The following ACTR2 variants were observed in gnomAD, a reference collection of about 807,000 sequenced individuals.
ACTR2 encodes actin related protein 2.
In ACTR2, 5 loss-of-function variants were observed where a neutral mutation model predicts 50.2. That is an observed-to-expected ratio of 0.10 (90% CI 0.05 to 0.21). The LOEUF is 0.21. ACTR2 is among the 10% of genes least tolerant of loss of function. The pLI, the probability that ACTR2 is intolerant of heterozygous loss-of-function variation, is 1.00. For missense variants in ACTR2, 180 were observed against 480.6 expected (o/e 0.37, Z 5.85); for synonymous variants, 140 against 162.9 (o/e 0.86, Z 1.07).
At chr2:65,261,889 G>A (rs1672276593) in intron 7 of ACTR2, among the ~76,000 whole-genome samples, 1 of 152,094 alleles carries the variant, frequency 6.6e-6, no homozygotes, top group Admixed American at 6.5e-5. Context: ...CCACATCCTC[G>A]CCAGTATTCG....
chr2:65,235,148 G>A (rs898873736), intron 1 of ACTR2, among the ~76,000 whole-genome samples: 1 of 151,128 alleles, frequency 6.6e-6, no homozygotes, highest in Non-Finnish European at 1.5e-5. Context: ...TTTGTGATTT[G>A]GGAGAGAAGA....
chr2:65,264,087 G>C (rs1185472985), intron 7 of ACTR2, among the ~76,000 whole-genome samples: 1 of 152,042 alleles, frequency 6.6e-6, no homozygotes, highest in Non-Finnish European at 1.5e-5. Context: ...CATGCCTGTT[G>C]CTGATTAGAG....
intron 1 of ACTR2, 59 bp from the exon 2 acceptor site, chr2:65,239,793 C>T: frequency 1.9e-6 from 2 of 1,074,374 alleles, no homozygotes; most frequent in Non-Finnish European, 1.4e-6. Context: ...CAGATGCTGT[C>T]TTAAAATATA....
At chr2:65,242,756 T>TTTTTCTGTGATATTTTTCTGTG (rs1347913766) in intron 2 of ACTR2, 1 of 382,554 alleles carries the variant, frequency 2.6e-6, no homozygotes, top group Non-Finnish European at 5.2e-6. Flanking sequence ...AACTCTTCAT[T>TTTTTCTGTGATATTTTTCTGTG]GTATTTTTCT....
intron 7 of ACTR2, among the ~76,000 whole-genome samples, chr2:65,262,564 C>T (rs1213687980): frequency 6.6e-6 from 1 of 152,006 alleles, no homozygotes; most frequent in Non-Finnish European, 1.5e-5. Context: ...TAGATATTGC[C>T]AAATTTCCCT....
chr2:65,230,209 CTAAA>C (rs917109436), intron 1 of ACTR2, among the ~76,000 whole-genome samples: 2 of 152,030 alleles, frequency 1.3e-5, no homozygotes, highest in African/African-American at 4.8e-5. Flanking sequence ...AAATTGGCCT[CTAAA>C]TAAATAAAAA....
intron 8 of ACTR2, among the ~76,000 whole-genome samples, chr2:65,266,828 C>T (rs775628494): frequency 4.6e-5 from 7 of 152,126 alleles, no homozygotes; most frequent in Non-Finnish European, 7.4e-5. Context: ...GTTAGTGATA[C>T]ATTATAGCAA....
chr2:65,262,997 A>AT (rs1672299871), intron 7 of ACTR2, among the ~76,000 whole-genome samples: 1 of 151,036 alleles, frequency 6.6e-6, no homozygotes, highest in Admixed American at 6.6e-5. Flanking sequence ...GTTCCTAAAA[A>AT]AAAAACATAT....
At chr2:65,248,419 T>C (rs915251267) in intron 3 of ACTR2, among the ~76,000 whole-genome samples, 2 of 151,752 alleles carry the variant, frequency 1.3e-5, no homozygotes, top group Admixed American at 1.3e-4. Flanking sequence ...AAAAGGGAAT[T>C]GGGCTTTTAC....
chr2:65,227,920 AG>A lies in ACTR2; in HGVS notation c.14del (p.Gly5AlafsTer14). On this transcript the variant is annotated frameshift_variant, in exon 1 of 9. Transcript: ENST00000260641. LOFTEE classifies it high-confidence loss of function. Reference sequence around the variant, plus strand: ...TTCCCTGGGCGGACGATGGACAGCCAGGGCAGGAAGGTGGTGGTGTGCGACA... The same window carrying A: ...TTCCCTGGGCGGACGATGGACAGCCAGGCAGGAAGGTGGTGGTGTGCGACA... MDS[Q>X]GRKVVVCDNG... 1 of 1,524,968 alleles carries A rather than the reference AG, an allele frequency of 6.6e-7. No homozygotes were observed. Among genetic ancestry groups the A allele is most frequent in the Non-Finnish European group, 8.8e-7 (1 of 1,136,940 alleles). 94.5% of individuals were successfully genotyped at this position (1,524,968 alleles called of 1,614,324 possible). A position where few individuals can be genotyped will look rare whatever the true frequency, so the allele number is the denominator to read the frequency against.
intron 6 of ACTR2, 149 bp downstream of exon 6, chr2:65,255,843 C>A (rs1672139718): frequency 5.2e-6 from 3 of 572,602 alleles, no homozygotes; most frequent in South Asian, 4.9e-5. Context: ...TCTCTTTCTA[C>A]ATTAAGTTTC....
chr2:65,259,660 C>T (rs1423982731), intron 6 of ACTR2, among the ~76,000 whole-genome samples: 3 of 152,116 alleles, frequency 2.0e-5, no homozygotes, highest in Non-Finnish European at 4.4e-5. Context: ...ACCCAGTAGG[C>T]AGAGGTTGCA....
At chr2:65,248,787 G>A (rs1419845587) in intron 3 of ACTR2, among the ~76,000 whole-genome samples, 1 of 152,150 alleles carries the variant, frequency 6.6e-6, no homozygotes, top group Non-Finnish European at 1.5e-5. Flanking sequence ...GCCAAGGCGG[G>A]TGGATCACTT....
intron 2 of ACTR2, chr2:65,241,955 A>C: frequency 2.0e-6 from 3 of 1,510,182 alleles, no homozygotes; most frequent in Non-Finnish European, 2.7e-6. Flanking sequence ...TATTGCTTGT[A>C]TGTTTAAACA....
intron 1 of ACTR2, among the ~76,000 whole-genome samples, chr2:65,234,046 G>A (rs903686043): frequency 5.9e-5 from 9 of 152,008 alleles, no homozygotes; most frequent in African/African-American, 1.9e-4. Flanking sequence ...GAGTTTCTGG[G>A]GCTACAGGTG....
rs1398986414 is a variant in ACTR2 at position 65,265,144 on chromosome 2, G to A, written c.983G>A (p.Arg328Gln). The A allele has an allele frequency of 1.9e-6, 3 of 1,614,066 alleles. No homozygotes were observed. The highest frequency in any genetic ancestry group is 1.3e-5 in the African/African-American group (1 of 74,918). ...GAACTTAAACAGCTTTACTTAGAACGAGTTTTGAAGGGTGATGTGGAAAAA... is the reference window on the plus strand; with the variant it reads ...GAACTTAAACAGCTTTACTTAGAACAAGTTTTGAAGGGTGATGTGGAAAAA... Reference protein sequence around the residue: ...ERELKQLYLERVLKGDVEKLS... With the variant: ...ERELKQLYLEQVLKGDVEKLS... The change falls in exon 8 of 9, where the codon CGA (arginine) becomes CAA (glutamine). Residue 328 changes from arginine to glutamine, a missense_variant. Coordinates refer to ENST00000260641, the MANE Select transcript of ACTR2 (RefSeq NM_005722.4).
chr2:65,229,272 T>A (rs1461579603), intron 1 of ACTR2, among the ~76,000 whole-genome samples: 1 of 152,154 alleles, frequency 6.6e-6, no homozygotes, highest in Non-Finnish European at 1.5e-5. Flanking sequence ...CCCATAAATA[T>A]GATGTATGAA....
Position 65,238,669 on chromosome 2 carries a change from A to T in ACTR2, c.49-1183A>T, listed in dbSNP as rs1212736993. Among the ~76,000 whole-genome samples the T allele has an allele frequency of 2.0e-5, 3 of 146,390 alleles. No individual in the cohort carries two copies. In the Admixed American group the frequency reaches 2.1e-4, roughly 10 times the overall value. The stretch of plus-strand genomic sequence containing the variant: ...GCGAGACTGTCTAAAAAAAAAAAAA[A>T]AAAAAGTAAATAGCTAGCCAGGCGC... On this transcript the variant is annotated intron_variant, in intron 1 of 8. Coordinates refer to ENST00000260641, the MANE Select transcript of ACTR2 (RefSeq NM_005722.4).
intron 5 of ACTR2, among the ~76,000 whole-genome samples, chr2:65,254,339 G>T (rs1672108648): frequency 6.6e-6 from 1 of 152,130 alleles, no homozygotes; most frequent in Admixed American, 6.6e-5. Context: ...GAGGAAAACA[G>T]CCCAAATACG....
Sources: allele counts gnomAD v4.1 joint callset (sites outside exome capture counted in the v4.1 genomes callset), GRCh38; gene constraint gnomAD v4.1.1; transcripts MANE v1.5; gene names NCBI Gene and HGNC (gene_info 2026-07-23, HGNC 2026-07-21).